The following CNMD variants were observed in gnomAD, a reference collection of about 807,000 sequenced individuals.
The protein encoded by CNMD is chondromodulin.
CNMD carries 30 observed loss-of-function variants against 37.5 expected under a neutral mutation model. The observed-to-expected ratio is 0.80, with a 90% CI of 0.60 to 1.09. CNMD has a LOEUF of 1.09. CNMD is among the 50% of genes least tolerant of loss of function. The pLI, the probability that CNMD is intolerant of heterozygous loss-of-function variation, is 0.00. For synonymous variants in CNMD, 167 were observed against 148.2 expected (o/e 1.13, Z -0.92); for missense variants, 398 against 423.9 (o/e 0.94, Z 0.54).
intron 2 of CNMD, among the ~76,000 whole-genome samples, chr13:52,735,341 C>G (rs554450340): frequency 6.7e-6 from 1 of 150,242 alleles, no homozygotes; most frequent in Non-Finnish European, 1.5e-5. Flanking sequence ...ATGTGAGTGT[C>G]TTCCACTCAT....
At chr13:52,715,406 G>C (rs543862763) in intron 4 of CNMD, among the ~76,000 whole-genome samples, 8 of 151,998 alleles carry the variant, frequency 5.3e-5, no homozygotes, top group Admixed American at 3.9e-4. Context: ...GAATGTGCAG[G>C]TTTGTTACAT....
At chr13:52,738,441 A>G (rs1180801926) in intron 2 of CNMD, among the ~76,000 whole-genome samples, 1 of 152,214 alleles carries the variant, frequency 6.6e-6, no homozygotes, top group Admixed American at 6.5e-5. Flanking sequence ...ATTAATTGTT[A>G]AAGAGATTTT....
At chr13:52,710,196 C>T (rs147528557) in intron 5 of CNMD, among the ~76,000 whole-genome samples, 151 of 152,276 alleles carry the variant, frequency 9.9e-4, no homozygotes, top group African/African-American at 3.5e-3. Flanking sequence ...CTAAGATGTG[C>T]TTTAAAGCCA....
chr13:52,711,291 G>C (rs1316932907), intron 5 of CNMD, among the ~76,000 whole-genome samples: 1 of 152,134 alleles, frequency 6.6e-6, no homozygotes, highest in Non-Finnish European at 1.5e-5. Context: ...GGAGTTCCTG[G>C]GCGACAGAAA....
chr13:52,712,596 G>A (rs547508641), intron 5 of CNMD, 120 bp downstream of exon 5: 2 of 557,288 alleles, frequency 3.6e-6, no homozygotes, highest in South Asian at 5.4e-5. Context: ...GAGACACTGC[G>A]ACATGCATCC....
intron 4 of CNMD, among the ~76,000 whole-genome samples, chr13:52,718,933 G>A (rs780307275): frequency 2.6e-5 from 4 of 152,110 alleles, no homozygotes; most frequent in Non-Finnish European, 5.9e-5. Context: ...GGGTGTTAAA[G>A]TCTCCCACTA....
intron 2 of CNMD, among the ~76,000 whole-genome samples, chr13:52,736,466 G>A (rs1964766860): frequency 1.3e-5 from 2 of 152,124 alleles, no homozygotes; most frequent in Non-Finnish European, 2.9e-5. Flanking sequence ...CCATCTGCAT[G>A]GGGACAGCAG....
At chr13:52,714,404 T>G (rs1964336750) in intron 4 of CNMD, among the ~76,000 whole-genome samples, 1 of 152,156 alleles carries the variant, frequency 6.6e-6, no homozygotes, top group Non-Finnish European at 1.5e-5. Flanking sequence ...AAATGTATTG[T>G]CTGAATTTGT....
intron 4 of CNMD, among the ~76,000 whole-genome samples, chr13:52,718,474 AT>A (rs574478925): frequency 0.017 from 2,592 of 152,168 alleles, 27 homozygotes; most frequent in Non-Finnish European, 0.028. Flanking sequence ...TCCTGTGGGC[AT>A]TTTAGTGCTA....
Position 52,729,571 on chromosome 13 carries a change from C to T in CNMD, c.354+3648G>A, listed in dbSNP as rs116224176. 5.6e-3 allele frequency among the ~76,000 whole-genome samples: 860 copies of T among 152,282 alleles called. 4 individuals are homozygous for T. Among genetic ancestry groups the T allele is most frequent in the African/African-American group, 0.02 (829 of 41,550 alleles). ...GGCTGTGGCATTGACAGTCATTCAG[C>T]TACTACTATAAGTGTTTGACTTTAT... On this transcript the variant is annotated intron_variant, in intron 3 of 6. Transcript: ENST00000377962.
At chr13:52,706,240 C>A (rs1369859677) in intron 6 of CNMD, among the ~76,000 whole-genome samples, 1 of 152,118 alleles carries the variant, frequency 6.6e-6, no homozygotes, top group East Asian at 1.9e-4. Flanking sequence ...GAAGTGGGTC[C>A]TTTCATTACT....
At chr13:52,728,721 G>A (rs1042127955) in intron 3 of CNMD, among the ~76,000 whole-genome samples, 5 of 152,108 alleles carry the variant, frequency 3.3e-5, no homozygotes, top group African/African-American at 9.7e-5. Context: ...ACACATCTCC[G>A]TCACCATATC....
intron 2 of CNMD, among the ~76,000 whole-genome samples, chr13:52,735,671 T>A (rs1253455702): frequency 1.4e-5 from 2 of 138,606 alleles, no homozygotes; most frequent in Admixed American, 7.4e-5. Flanking sequence ...GATGAATTTT[T>A]AAAAAAAATC....
At chr13:52,723,077 T>C (rs1272510464) in intron 4 of CNMD, among the ~76,000 whole-genome samples, 2 of 152,154 alleles carry the variant, frequency 1.3e-5, no homozygotes, top group African/African-American at 2.4e-5. Context: ...TTTGTCTTTA[T>C]TGTGGAGTCT....
chr13:52,737,242 C>G (rs528495214), intron 2 of CNMD, among the ~76,000 whole-genome samples: 1 of 152,068 alleles, frequency 6.6e-6, no homozygotes, highest in Non-Finnish European at 1.5e-5. Flanking sequence ...TGTGCTATGC[C>G]TAGGTGGTGC....
chr13:52,719,377 A>T (rs889947085), intron 4 of CNMD, among the ~76,000 whole-genome samples: 1 of 152,190 alleles, frequency 6.6e-6, no homozygotes, highest in African/African-American at 2.4e-5. Context: ...TTCTGATGCT[A>T]GCTGGTTATT....
At chr13:52,726,070 CA>C (rs1964567666) in intron 3 of CNMD, among the ~76,000 whole-genome samples, 1 of 152,200 alleles carries the variant, frequency 6.6e-6, no homozygotes, top group African/African-American at 2.4e-5. Flanking sequence ...CTCAGAGAGA[CA>C]GGGGCATTAT....
intron 6 of CNMD, among the ~76,000 whole-genome samples, chr13:52,705,561 G>T (rs1418670949): frequency 6.6e-6 from 1 of 152,144 alleles, no homozygotes; most frequent in Non-Finnish European, 1.5e-5. Flanking sequence ...GAGTTAAAAG[G>T]CCTGTCAGTT....
Position 52,717,701 on chromosome 13 carries a change from C to T in CNMD, c.469-4832G>A, listed in dbSNP as rs2209413. Reference sequence around the variant, plus strand: ...ATCCCAGGGATGAAGCTGACTTGATCGTTGTGGATAAGCTTTTTGATATGC... The same window carrying T: ...ATCCCAGGGATGAAGCTGACTTGATTGTTGTGGATAAGCTTTTTGATATGC... On this transcript the variant is annotated intron_variant, in intron 4 of 6. Transcript: ENST00000377962. Among the ~76,000 whole-genome samples, 412 of 152,208 alleles carry T rather than the reference C, an allele frequency of 2.7e-3. 2 individuals are homozygous for T. The highest frequency in any genetic ancestry group is 5.2e-3 in the Non-Finnish European group (351 of 68,004).
Sources: allele counts gnomAD v4.1 joint callset (sites outside exome capture counted in the v4.1 genomes callset), GRCh38; gene constraint gnomAD v4.1.1; transcripts MANE v1.5; gene names NCBI Gene and HGNC (gene_info 2026-07-23, HGNC 2026-07-21).